CLIC4: variants seen among roughly 807,000 people sequenced by gnomAD.
CLIC4 encodes the protein CLIC family member 4.
In CLIC4, 13 loss-of-function variants were observed where a neutral mutation model predicts 24.6. The observed-to-expected ratio is 0.53, with a 90% CI of 0.34 to 0.84. CLIC4 has a LOEUF of 0.84. Ranked by LOEUF, CLIC4 falls within the 40% of genes least tolerant of loss-of-function variation. The pLI is 0.01. For missense variants in CLIC4, 227 were observed against 301.7 expected, an observed-to-expected ratio of 0.75 and a Z score of 1.83; for synonymous variants, 104 against 111.3, an observed-to-expected ratio of 0.93 and a Z score of 0.41.
At chr1:24,816,260 C>T (rs1342766217) in intron 3 of CLIC4, among the ~76,000 whole-genome samples, 3 of 36,812 alleles carry the variant, frequency 8.1e-5, no homozygotes, top group South Asian at 7.9e-4. Context: ...TTTTTTTGGA[C>T]GGAGTTTTCG....
intron 1 of CLIC4, among the ~76,000 whole-genome samples, chr1:24,775,550 CTCTT>C (rs980195120): frequency 6.8e-5 from 10 of 147,080 alleles, no homozygotes; most frequent in Non-Finnish European, 1.0e-4. Flanking sequence ...TCTTTCTTTT[CTCTT>C]TCTTTCTCTT....
chr1:24,772,793 A>G (rs1382971224), intron 1 of CLIC4, among the ~76,000 whole-genome samples: 1 of 152,186 alleles, frequency 6.6e-6, no homozygotes, highest in East Asian at 1.9e-4. Flanking sequence ...TGATTTTGTA[A>G]TATATTTTAA....
intron 1 of CLIC4, among the ~76,000 whole-genome samples, chr1:24,777,579 A>G (rs1230865844): frequency 6.6e-6 from 1 of 152,140 alleles, no homozygotes; most frequent in Non-Finnish European, 1.5e-5. Context: ...TGAGTTAATG[A>G]GTCAGGTACA....
At chr1:24,765,834 CAG>C (rs1242378462) in intron 1 of CLIC4, among the ~76,000 whole-genome samples, 13 of 126,302 alleles carry the variant, frequency 1.0e-4, no homozygotes, top group Middle Eastern at 5.2e-3. Context: ...TTTTTTGAGA[CAG>C]AGTCTCGCTC....
At chr1:24,806,607 C>T (rs1639552658) in intron 2 of CLIC4, among the ~76,000 whole-genome samples, 1 of 152,130 alleles carries the variant, frequency 6.6e-6, no homozygotes, top group South Asian at 2.1e-4. Context: ...GTCCTTTAAA[C>T]TTTCCTTGGT....
chr1:24,798,652 G>GTCCCTCTCTTTCCACGGTC (rs1169571209), intron 2 of CLIC4, among the ~76,000 whole-genome samples: 18 of 151,782 alleles, frequency 1.2e-4, no homozygotes, highest in South Asian at 2.1e-4. Context: ...TCCCCACGGT[G>GTCCCTCTCTTTCCACGGTC]TCCCTCTCTT....
rs1335811221 is a variant in CLIC4, at chr1:24,843,391, G to A, written c.*2454G>A. The A allele has an allele frequency of 6.6e-6, 1 of 152,118 alleles. No individual in the cohort carries two copies. Among genetic ancestry groups the A allele is most frequent in the Non-Finnish European group, 1.5e-5 (1 of 68,000 alleles). 9.4% of individuals were successfully genotyped at this position (152,118 alleles called of 1,614,324 possible). ...CATGCAGTATATGAATTGCCATAAT[G>A]GAAATAATCTGATTTTATTTTTACA... On this transcript the variant is annotated 3_prime_UTR_variant, in exon 6 of 6. Transcript: ENST00000374379.
At chr1:24,818,145 G>A (rs891657398) in intron 3 of CLIC4, among the ~76,000 whole-genome samples, 1 of 152,106 alleles carries the variant, frequency 6.6e-6, no homozygotes, top group Non-Finnish European at 1.5e-5. Context: ...GAAAAATGGC[G>A]CCATCTTGCT....
chr1:24,808,622 C>T (rs1639580526), intron 2 of CLIC4, among the ~76,000 whole-genome samples: 1 of 151,494 alleles, frequency 6.6e-6, no homozygotes. Context: ...TGCAACACGC[C>T]TGGCTAATTT....
chr1:24,828,172 G>C (rs1639805249), intron 4 of CLIC4, among the ~76,000 whole-genome samples: 1 of 152,068 alleles, frequency 6.6e-6, no homozygotes, highest in South Asian at 2.1e-4. Flanking sequence ...ATAAAATGCT[G>C]CAATTTTAAA....
intron 2 of CLIC4, among the ~76,000 whole-genome samples, chr1:24,801,417 CT>C (rs1169119471): frequency 6.6e-6 from 1 of 152,144 alleles, no homozygotes; most frequent in African/African-American, 2.4e-5. Context: ...ACAACCAGAT[CT>C]TGTGAGAACT....
At chr1:24,811,992 T>C (rs1639619893) in intron 2 of CLIC4, among the ~76,000 whole-genome samples, 1 of 152,170 alleles carries the variant, frequency 6.6e-6, no homozygotes, top group African/African-American at 2.4e-5. Context: ...TCTTTATCAG[T>C]GTTTTGTGGT....
intron 1 of CLIC4, among the ~76,000 whole-genome samples, chr1:24,757,631 A>G (rs1205519299): frequency 2.0e-5 from 3 of 152,320 alleles, no homozygotes; most frequent in African/African-American, 7.2e-5. Flanking sequence ...GAAAACAGAA[A>G]AAGTGGTAGC....
chr1:24,807,528 A>C (rs1387506182), intron 2 of CLIC4, among the ~76,000 whole-genome samples: 1 of 152,142 alleles, frequency 6.6e-6, no homozygotes, highest in Non-Finnish European at 1.5e-5. Flanking sequence ...GACCGCACAG[A>C]CTAAAGTAAT....
chr1:24,799,413 A>T (rs1456470424), intron 2 of CLIC4, among the ~76,000 whole-genome samples: 2 of 145,182 alleles, frequency 1.4e-5, no homozygotes, highest in African/African-American at 5.2e-5. Context: ...TCTGCCTGGC[A>T]ACCACCCCGT....
intron 3 of CLIC4, among the ~76,000 whole-genome samples, chr1:24,826,477 A>G (rs185155259): frequency 1.2e-4 from 18 of 152,276 alleles, no homozygotes; most frequent in Admixed American, 2.0e-4. Context: ...GCTGTTTGAG[A>G]AGGCGCGTGA....
chr1:24,778,649 C>T (rs1026054803), intron 1 of CLIC4, among the ~76,000 whole-genome samples: 16 of 152,170 alleles, frequency 1.1e-4, no homozygotes, highest in Non-Finnish European at 8.8e-5. Context: ...ATATTGCCTC[C>T]GGACAGTCAA....
intron 1 of CLIC4, among the ~76,000 whole-genome samples, chr1:24,750,211 C>T (rs1638757205): frequency 6.6e-6 from 1 of 152,244 alleles, no homozygotes; most frequent in East Asian, 1.9e-4. Context: ...TGTACCTGCA[C>T]TCCAATCTGG....
At chr1:24,774,126 C>T (rs377150187) in intron 1 of CLIC4, among the ~76,000 whole-genome samples, 9 of 151,968 alleles carry the variant, frequency 5.9e-5, no homozygotes, top group African/African-American at 9.7e-5. Context: ...GTGCACACTG[C>T]GACACCTGGC....
Sources: gnomAD v4.1 joint callset for allele counts (sites outside exome capture counted in the v4.1 genomes callset) on GRCh38, gnomAD v4.1.1 for gene constraint, MANE v1.5 for transcripts, NCBI Gene and HGNC (gene_info 2026-07-23, HGNC 2026-07-21) for gene names.